The following TENM4 variants were observed in gnomAD, a reference collection of about 807,000 sequenced individuals.
The protein encoded by TENM4 is teneurin transmembrane protein 4.
TENM4 carries 82 observed loss-of-function variants against 243.3 expected under a neutral mutation model. The ratio of observed to expected loss-of-function variants is 0.34; its 90% CI spans 0.28 to 0.40. The LOEUF (loss-of-function observed/expected upper bound fraction) is 0.40. Ranked by LOEUF, TENM4 falls within the 10% of genes least tolerant of loss-of-function variation. The probability of loss-of-function intolerance (pLI) is 1.00; values close to 1 mark genes in which losing one functional copy is unlikely to be tolerated. For missense variants in TENM4, 3,138 were observed against 3,673.3 expected, an observed-to-expected ratio of 0.85 and a Z score of 3.77; for synonymous variants, 1,412 against 1,456.3, an observed-to-expected ratio of 0.97 and a Z score of 0.69.
In TENM4 at chr11:78,676,166, CAA is replaced by C; in HGVS notation, c.5480_5481del (p.Phe1827TrpfsTer17). On this transcript the variant is annotated frameshift_variant, in exon 30 of 34. Transcript: ENST00000278550. LOFTEE classifies it high-confidence loss of function. ...KEQARGQVTVFGRRLRVHNRN... is the reference protein window; with the variant it reads ...KEQARGQVTVXGRRLRVHNRN... ...GCCTCGCTCACCCGCAGCCGGCGCC[CAA>C]AGACAGTGACCTGGCCCCGAGCCTG... 6.6e-7 allele frequency: 1 copy of C among 1,525,486 alleles called. No individual in the cohort carries two copies. Among genetic ancestry groups the C allele is most frequent in the Non-Finnish European group, 8.9e-7 (1 of 1,125,820 alleles). The allele number at this position is 1,525,486 out of a possible 1,614,324, so 94.5% of individuals were successfully genotyped here.
intron 6 of TENM4, among the ~76,000 whole-genome samples, chr11:78,958,405 C>T (rs1448700808): frequency 6.6e-6 from 1 of 152,180 alleles, no homozygotes; most frequent in African/African-American, 2.4e-5. Flanking sequence ...CTAACCACTT[C>T]CTTTGCTTTT....
chr11:79,091,115 C>A (rs7925071), intron 4 of TENM4, among the ~76,000 whole-genome samples: 43,769 of 152,014 alleles, frequency 0.29, 6,406 homozygotes, highest in East Asian at 0.42. Context: ...TAGGCGCTTA[C>A]TTATTTTTTA....
intron 4 of TENM4, among the ~76,000 whole-genome samples, chr11:79,071,107 T>C (rs1466848583): frequency 6.6e-6 from 1 of 152,186 alleles, no homozygotes. Context: ...TTTTGAGTTG[T>C]GATAGCACCC....
chr11:79,161,285 T>C (rs745721059), intron 3 of TENM4, among the ~76,000 whole-genome samples: 1 of 152,206 alleles, frequency 6.6e-6, no homozygotes, highest in South Asian at 2.1e-4. Context: ...ACTTCCCTTA[T>C]GGGAACACTC....
chr11:79,427,483 G>A (rs1025787025), intron 1 of TENM4, among the ~76,000 whole-genome samples: 3 of 152,196 alleles, frequency 2.0e-5, no homozygotes, highest in African/African-American at 4.8e-5. Context: ...ATAGATTAAG[G>A]TTGCAAAACA....
At chr11:79,439,914 G>A (rs1859362657) in intron 1 of TENM4, among the ~76,000 whole-genome samples, 1 of 152,046 alleles carries the variant, frequency 6.6e-6, no homozygotes, top group Non-Finnish European at 1.5e-5. Context: ...CATCAATACC[G>A]CGGCCGGGCG....
intron 4 of TENM4, among the ~76,000 whole-genome samples, chr11:79,125,227 T>C (rs1360419354): frequency 1.3e-5 from 2 of 152,170 alleles, no homozygotes; most frequent in Non-Finnish European, 2.9e-5. Flanking sequence ...CTATACCTAA[T>C]ACTTTTGAAC....
At chr11:78,726,025 A>T in intron 23 of TENM4, 54 bp downstream of exon 23, 4 of 1,604,452 alleles carry the variant, frequency 2.5e-6, no homozygotes, top group Non-Finnish European at 3.4e-6. Context: ...CACAAGGGAT[A>T]TGAGACAAGG....
intron 30 of TENM4, among the ~76,000 whole-genome samples, chr11:78,674,299 C>T (rs546549952): frequency 1.4e-4 from 21 of 152,326 alleles, no homozygotes; most frequent in East Asian, 3.9e-4. Flanking sequence ...GAGGCACACC[C>T]GGCTAACATT....
chr11:79,152,668 C>A (rs761830444), intron 3 of TENM4, among the ~76,000 whole-genome samples: 3 of 152,178 alleles, frequency 2.0e-5, no homozygotes, highest in Non-Finnish European at 4.4e-5. Flanking sequence ...TTCCTCCAAC[C>A]CCTTCCAATG....
At chr11:79,320,084 G>A (rs532754829) in intron 1 of TENM4, among the ~76,000 whole-genome samples, 3 of 152,262 alleles carry the variant, frequency 2.0e-5, no homozygotes, top group Admixed American at 6.5e-5. Context: ...AGCCCAGAGC[G>A]CATACGCAAG....
chr11:79,260,541 C>T (rs115712442), intron 2 of TENM4, among the ~76,000 whole-genome samples: 1 of 152,152 alleles, frequency 6.6e-6, no homozygotes, highest in Non-Finnish European at 1.5e-5. Context: ...GTAATGGAAC[C>T]AGGGAACCTA....
intron 32 of TENM4, among the ~76,000 whole-genome samples, chr11:78,664,945 T>C (rs1314551550): frequency 1.3e-5 from 2 of 152,168 alleles, no homozygotes; most frequent in Non-Finnish European, 2.9e-5. Context: ...TAGGAAAAAA[T>C]GCTGAAAATG....
chr11:78,730,386 T>C (rs1051488509), intron 21 of TENM4, among the ~76,000 whole-genome samples: 2 of 152,076 alleles, frequency 1.3e-5, no homozygotes, highest in African/African-American at 4.8e-5. Flanking sequence ...AACAAATAAT[T>C]ATGCAGAGTT....
chr11:78,736,141 G>T (rs1855786824), intron 20 of TENM4, among the ~76,000 whole-genome samples: 1 of 151,876 alleles, frequency 6.6e-6, no homozygotes, highest in Non-Finnish European at 1.5e-5. Flanking sequence ...TTTTTTGATA[G>T]AGACATGGTT....
intron 6 of TENM4, among the ~76,000 whole-genome samples, chr11:78,929,835 C>T (rs1856631344): frequency 6.6e-6 from 1 of 152,146 alleles, no homozygotes; most frequent in Admixed American, 6.5e-5. Context: ...ACATTGAAAA[C>T]AAAGCCTTCT....
intron 6 of TENM4, among the ~76,000 whole-genome samples, chr11:79,034,782 C>T (rs923684665): frequency 2.6e-5 from 4 of 152,030 alleles, no homozygotes; most frequent in South Asian, 4.2e-4. Context: ...ATGATATGCA[C>T]GGACCTCTAA....
chr11:78,666,822 T>C (rs1288638366), intron 32 of TENM4, among the ~76,000 whole-genome samples: 1 of 152,166 alleles, frequency 6.6e-6, no homozygotes, highest in African/African-American at 2.4e-5. Context: ...AAGGAGAGCA[T>C]ATCTGCCAAG....
In TENM4 at chr11:78,904,359, C is replaced by CAAAAAAAAAAAAAAAAAAAAA. The variant is rs61503457; in HGVS notation, c.494-837_494-836insTTTTTTTTTTTTTTTTTTTTT. The stretch of plus-strand genomic sequence containing the variant: ...TGAGCTACAGAGCAAGACTCTGTCT[C>CAAAAAAAAAAAAAAAAAAAAA]AAAAAAAAAAAAAAAAGTAAAACAT... On this transcript the variant is annotated intron_variant, in intron 6 of 33. Coordinates refer to ENST00000278550, the MANE Select transcript of TENM4 (RefSeq NM_001098816.3). Among the ~76,000 whole-genome samples the CAAAAAAAAAAAAAAAAAAAAA allele has an allele frequency of 2.6e-4, 20 of 77,234 alleles. 2 individuals are homozygous for CAAAAAAAAAAAAAAAAAAAAA. Among genetic ancestry groups the CAAAAAAAAAAAAAAAAAAAAA allele is most frequent in the African/African-American group, 1.3e-3 (17 of 13,202 alleles). The allele number at this position is 77,234 out of a possible 152,430, so 50.7% of individuals were successfully genotyped here.
Sources: allele counts gnomAD v4.1 joint callset (sites outside exome capture counted in the v4.1 genomes callset), GRCh38; gene constraint gnomAD v4.1.1; transcripts MANE v1.5; gene names NCBI Gene and HGNC (gene_info 2026-07-23, HGNC 2026-07-21).